ADARB2: variants seen among roughly 807,000 people sequenced by gnomAD.
The protein encoded by ADARB2 is adenosine deaminase RNA specific B2 (inactive), also known as inactive double-stranded RNA-specific editase B2.
Under a neutral mutation model 62.2 loss-of-function variants are expected in ADARB2, and 25 were observed. The ratio of observed to expected loss-of-function variants is 0.40; its 90% CI spans 0.29 to 0.56. The LOEUF (loss-of-function observed/expected upper bound fraction) is 0.56, where lower values mean the gene tolerates loss of function less well. Among genes scored for constraint, ADARB2 ranks in the 20% least tolerant of loss-of-function variants. The pLI is 0.43. For missense variants in ADARB2, 1,071 were observed against 1,077.4 expected, an observed-to-expected ratio of 0.99 and a Z score of 0.08; for synonymous variants, 572 against 500.8, an observed-to-expected ratio of 1.14 and a Z score of -1.90.
chr10:1,200,657 T>C (rs1836973974), intron 7 of ADARB2, among the ~76,000 whole-genome samples: 1 of 152,192 alleles, frequency 6.6e-6, no homozygotes, highest in Admixed American at 6.5e-5. Flanking sequence ...GAAGCCCAGA[T>C]TGGAGATGAA....
At chr10:1,525,739 G>T (rs1435631815) in intron 1 of ADARB2, among the ~76,000 whole-genome samples, 1 of 152,178 alleles carries the variant, frequency 6.6e-6, no homozygotes, top group Non-Finnish European at 1.5e-5. Flanking sequence ...ATGCGTGTGC[G>T]TGCATGTATG....
At chr10:1,564,869 G>T (rs1231684673) in intron 1 of ADARB2, among the ~76,000 whole-genome samples, 5 of 151,282 alleles carry the variant, frequency 3.3e-5, no homozygotes. Flanking sequence ...CAGCTCTTAG[G>T]GTCAGTGGGC....
chr10:1,569,610 C>T (rs941947206), intron 1 of ADARB2, among the ~76,000 whole-genome samples: 1 of 152,198 alleles, frequency 6.6e-6, no homozygotes, highest in Non-Finnish European at 1.5e-5. Context: ...TGGAAGTAAG[C>T]ATTTCTATAT....
chr10:1,736,817 G>A (rs933284126), intron 1 of ADARB2, among the ~76,000 whole-genome samples: 2 of 152,172 alleles, frequency 1.3e-5, no homozygotes, highest in Non-Finnish European at 2.9e-5. Flanking sequence ...CACTTCGTCC[G>A]GGTCCCTCAA....
intron 1 of ADARB2, among the ~76,000 whole-genome samples, chr10:1,605,833 G>A (rs537526531): frequency 2.6e-5 from 4 of 152,270 alleles, no homozygotes; most frequent in African/African-American, 7.2e-5. Context: ...CTTAGAGAAC[G>A]TTAAGAGGAC....
At chr10:1,243,433 A>G (rs1339384846) in intron 4 of ADARB2, among the ~76,000 whole-genome samples, 3 of 152,220 alleles carry the variant, frequency 2.0e-5, no homozygotes, top group Non-Finnish European at 2.9e-5. Flanking sequence ...TCACGCCAGA[A>G]GCAGGCTTCC....
At chr10:1,356,431 G>T (rs571399656) in intron 3 of ADARB2, among the ~76,000 whole-genome samples, 1 of 152,136 alleles carries the variant, frequency 6.6e-6, no homozygotes, top group South Asian at 2.1e-4. Flanking sequence ...GAACAGAACC[G>T]CCTGGGGTGA....
chr10:1,705,215 G>A (rs1834873482), intron 1 of ADARB2, among the ~76,000 whole-genome samples: 1 of 152,208 alleles, frequency 6.6e-6, no homozygotes, highest in African/African-American at 2.4e-5. Flanking sequence ...ACACTTTGAG[G>A]ACACAGGTGG....
At chr10:1,576,834 G>T (rs567228781) in intron 1 of ADARB2, among the ~76,000 whole-genome samples, 1 of 136,002 alleles carries the variant, frequency 7.4e-6, no homozygotes, top group Non-Finnish European at 1.6e-5. Context: ...TGTGGACTTC[G>T]TCAAGTGCGA....
intron 1 of ADARB2, among the ~76,000 whole-genome samples, chr10:1,441,562 C>T (rs1330516452): frequency 2.6e-5 from 4 of 152,164 alleles, no homozygotes; most frequent in African/African-American, 9.7e-5. Context: ...CACATTCAAT[C>T]CTTCCTATGA....
At chr10:1,671,881 C>T (rs1588346592) in intron 1 of ADARB2, among the ~76,000 whole-genome samples, 1 of 152,042 alleles carries the variant, frequency 6.6e-6, no homozygotes, top group East Asian at 1.9e-4. Flanking sequence ...TCCCTTCTCA[C>T]TTGCACTGGG....
chr10:1,655,130 C>T (rs1024525493), intron 1 of ADARB2, among the ~76,000 whole-genome samples: 1 of 152,202 alleles, frequency 6.6e-6, no homozygotes, highest in African/African-American at 2.4e-5. Context: ...CTGCATGGGG[C>T]CTTTCCTTGA....
At position 1,713,306 on chromosome 10, in the gene ADARB2, G is replaced by A. The variant is rs567266665; in HGVS notation, c.100+23745C>T. ...CTTGGGATGAAATTCTCTCTTCCCC[G>A]GACCGGCATCCAACCACCTTACCAC... On this transcript the variant is annotated intron_variant, in intron 1 of 9. Transcript: ENST00000381312. 3.3e-5 allele frequency among the ~76,000 whole-genome samples: 5 copies of A among 152,306 alleles called. No individual in the cohort carries two copies. The South Asian group carries it at 6.2e-4, about 19-fold the overall frequency.
At position 1,180,424 on chromosome 10, in the gene ADARB2, C is replaced by T. The variant is rs567502318; in HGVS notation, c.*2769G>A. On this transcript the variant is annotated 3_prime_UTR_variant, in exon 10 of 10. Coordinates refer to ENST00000381312, the MANE Select transcript of ADARB2 (RefSeq NM_018702.4). ...GCTGTGGGAATCCTGGGACCCGGGTCTTCCAGGCACACCTGGGGCTGTGGG... is the reference window on the plus strand; with the variant it reads ...GCTGTGGGAATCCTGGGACCCGGGTTTTCCAGGCACACCTGGGGCTGTGGG... 2.9e-4 allele frequency: 44 copies of T among 152,520 alleles called. No homozygotes were observed. The highest frequency in any genetic ancestry group is 5.4e-4 in the Non-Finnish European group (37 of 68,322). The allele number at this position is 152,520 out of a possible 1,614,324, so 9.4% of individuals were successfully genotyped here. A position where few individuals can be genotyped will look rare whatever the true frequency, so the allele number is the denominator to read the frequency against.
rs538048870 is a variant in ADARB2 at position 1,192,900 on chromosome 10, G to A, written c.1864+7066C>T. ...AGAGGTTGCAGTGAGCCGAGATCGCGCCACTGCATTCCCGCCTGGGTGACA... is the reference window on the plus strand; with the variant it reads ...AGAGGTTGCAGTGAGCCGAGATCGCACCACTGCATTCCCGCCTGGGTGACA... On this transcript the variant is annotated intron_variant, in intron 8 of 9. Transcript: ENST00000381312. Among the ~76,000 whole-genome samples the A allele has an allele frequency of 3.9e-5, 6 of 152,364 alleles. 1 individual carries two copies. The South Asian group carries it at 8.3e-4, about 21-fold the overall frequency.
intron 1 of ADARB2, among the ~76,000 whole-genome samples, chr10:1,514,322 G>A (rs1831981423): frequency 1.3e-5 from 2 of 151,496 alleles, no homozygotes; most frequent in African/African-American, 4.8e-5. Flanking sequence ...CGGGGAATCA[G>A]TAAACCACAC....
chr10:1,313,987 G>C (rs1368385207), intron 3 of ADARB2, among the ~76,000 whole-genome samples: 1 of 152,156 alleles, frequency 6.6e-6, no homozygotes, highest in African/African-American at 2.4e-5. Context: ...ATTCTGCAGG[G>C]CAATCTCCAG....
chr10:1,259,558 A>G (rs1036868111), intron 4 of ADARB2, among the ~76,000 whole-genome samples: 28 of 152,378 alleles, frequency 1.8e-4, no homozygotes, highest in African/African-American at 6.0e-4. Context: ...GAAGAAATGG[A>G]TAAATTCCTC....
intron 1 of ADARB2, among the ~76,000 whole-genome samples, chr10:1,658,343 G>C (rs1203149002): frequency 2.0e-5 from 3 of 149,670 alleles, no homozygotes; most frequent in Non-Finnish European, 4.4e-5. Context: ...GTCTCTATCT[G>C]ATTCTCTGAT....
Sources: gnomAD v4.1 joint callset for allele counts (sites outside exome capture counted in the v4.1 genomes callset) on GRCh38, gnomAD v4.1.1 for gene constraint, MANE v1.5 for transcripts, NCBI Gene and HGNC (gene_info 2026-07-23, HGNC 2026-07-21) for gene names.